Variants in SHISA6 observed in about 807,000 individuals in gnomAD.
The protein encoded by SHISA6 is shisa family member 6.
A neutral mutation model predicts 47.9 loss-of-function variants in SHISA6; 22 were observed. The observed-to-expected ratio is 0.46, with a 90% CI of 0.33 to 0.66. The LOEUF (loss-of-function observed/expected upper bound fraction) is 0.66. Ranked by LOEUF, SHISA6 falls within the 30% of genes least tolerant of loss-of-function variation. The pLI is 0.02. For synonymous variants in SHISA6, 388 were observed against 337.8 expected, an observed-to-expected ratio of 1.15 and a Z score of -1.63; for missense variants, 680 against 764.6, an observed-to-expected ratio of 0.89 and a Z score of 1.30.
intron 3 of SHISA6, among the ~76,000 whole-genome samples, chr17:11,388,853 T>TA (rs536099984): frequency 0.03 from 2,452 of 82,332 alleles, 170 homozygotes; most frequent in African/African-American, 0.1. Flanking sequence ...TTAAAAAAGG[T>TA]AAAAAAAAAA....
Position 11,541,820 on chromosome 17 carries a change from C to T in SHISA6, c.896-10076C>T, listed in dbSNP as rs150529779. Among the ~76,000 whole-genome samples, 385 of 152,302 alleles carry T rather than the reference C, an allele frequency of 2.5e-3. 2 individuals are homozygous for T. The highest frequency in any genetic ancestry group is 8.7e-3 in the African/African-American group (362 of 41,574). On this transcript the variant is annotated intron_variant, in intron 3 of 5. Transcript: ENST00000441885. ...TCCCTCTAACATCTCTTTGGCTGAG[C>T]ACTGAGGTCTCCAGGGTACTAGGAA...
In SHISA6 at chr17:11,514,594, T is replaced by C. The variant is rs75061679; in HGVS notation, c.896-37302T>C. 4.9e-3 allele frequency among the ~76,000 whole-genome samples: 744 copies of C among 152,352 alleles called. 9 individuals carry two copies. The highest frequency in any genetic ancestry group is 0.017 in the African/African-American group (717 of 41,586). On this transcript the variant is annotated intron_variant, in intron 3 of 5. Coordinates refer to ENST00000441885, the MANE Select transcript of SHISA6 (RefSeq NM_207386.4). The stretch of plus-strand genomic sequence containing the variant: ...TGGTTCCATATGACCTCAGCCTTCC[T>C]CACATGGGCAGCATCCCCCTGTGAA...
intron 3 of SHISA6, among the ~76,000 whole-genome samples, chr17:11,417,970 G>T (rs1914333528): frequency 6.6e-6 from 1 of 152,310 alleles, no homozygotes; most frequent in Admixed American, 6.5e-5. Flanking sequence ...CAAGGTACTT[G>T]GTCAGTTAGA....
intron 3 of SHISA6, among the ~76,000 whole-genome samples, chr17:11,403,459 A>G (rs1458223100): frequency 6.6e-6 from 1 of 152,194 alleles, no homozygotes; most frequent in Admixed American, 6.5e-5. Context: ...CTAGGGGAAC[A>G]CAACAAAATT....
intron 3 of SHISA6, among the ~76,000 whole-genome samples, chr17:11,403,653 C>T (rs1377146108): frequency 6.6e-6 from 1 of 152,166 alleles, no homozygotes; most frequent in Non-Finnish European, 1.5e-5. Context: ...CCAGCCTCTT[C>T]TTTGTTTTGA....
intron 3 of SHISA6, among the ~76,000 whole-genome samples, chr17:11,512,956 C>A (rs186290683): frequency 7.0e-4 from 107 of 152,084 alleles, no homozygotes; most frequent in African/African-American, 2.5e-3. Context: ...AGTGAATTTT[C>A]TCAATTATTT....
chr17:11,402,824 C>T (rs188920802), intron 3 of SHISA6, among the ~76,000 whole-genome samples: 3 of 152,276 alleles, frequency 2.0e-5, no homozygotes, highest in South Asian at 2.1e-4. Context: ...CAGGCCTCAG[C>T]GAGGGAACCA....
At chr17:11,461,825 A>C (rs1395334713) in intron 3 of SHISA6, among the ~76,000 whole-genome samples, 1 of 152,164 alleles carries the variant, frequency 6.6e-6, no homozygotes, top group Non-Finnish European at 1.5e-5. Context: ...TGCTTACGAA[A>C]AGCATGCTCT....
At chr17:11,373,406 CA>C (rs1753835035) in intron 2 of SHISA6, among the ~76,000 whole-genome samples, 1 of 127,462 alleles carries the variant, frequency 7.8e-6, no homozygotes, top group South Asian at 2.5e-4. Flanking sequence ...ACAAATAAAA[CA>C]AAAAATTGTT....
At position 11,412,015 on chromosome 17, in the gene SHISA6, A is replaced by G. The variant is rs547299960; in HGVS notation, c.895+32506A>G. The stretch of plus-strand genomic sequence containing the variant: ...CCCCCAAGGATATTTGGGGAAGATA[A>G]GAAAAAGGTTGTCTCTGAAAAAAAT... On this transcript the variant is annotated intron_variant, in intron 3 of 5. Coordinates refer to ENST00000441885, the MANE Select transcript of SHISA6 (RefSeq NM_207386.4). Among the ~76,000 whole-genome samples the G allele has an allele frequency of 2.0e-5, 3 of 152,320 alleles. No individual in the cohort carries two copies. The South Asian group carries it at 6.2e-4, about 32-fold the overall frequency.
intron 3 of SHISA6, among the ~76,000 whole-genome samples, chr17:11,479,401 G>T (rs867634096): frequency 2.6e-5 from 4 of 152,078 alleles, no homozygotes; most frequent in African/African-American, 9.7e-5. Flanking sequence ...ATAAGTGGGA[G>T]TTGAACAATG....
chr17:11,546,850 G>A (rs779120072), intron 3 of SHISA6, among the ~76,000 whole-genome samples: 29 of 152,004 alleles, frequency 1.9e-4, no homozygotes, highest in Admixed American at 1.1e-3. Flanking sequence ...GAACCCAGGA[G>A]GCAGAGGTTG....
At chr17:11,533,750 G>A (rs970502430) in intron 3 of SHISA6, among the ~76,000 whole-genome samples, 2 of 151,742 alleles carry the variant, frequency 1.3e-5, no homozygotes, top group Non-Finnish European at 2.9e-5. Context: ...CTGCCACCAT[G>A]CCTGGCTAAT....
chr17:11,312,932 A>AG (rs1910386154), intron 2 of SHISA6, among the ~76,000 whole-genome samples: 1 of 152,184 alleles, frequency 6.6e-6, no homozygotes, highest in Non-Finnish European at 1.5e-5. Flanking sequence ...AAAGGCGTTG[A>AG]TGTGCTTATA....
chr17:11,421,003 A>T (rs1914439448), intron 3 of SHISA6, among the ~76,000 whole-genome samples: 2 of 152,276 alleles, frequency 1.3e-5, no homozygotes, highest in South Asian at 4.1e-4. Flanking sequence ...TATTCAGGAG[A>T]CACAGATTAT....
chr17:11,278,969 CG>C, intron 2 of SHISA6, among the ~76,000 whole-genome samples: 1 of 152,088 alleles, frequency 6.6e-6, no homozygotes, highest in Non-Finnish European at 1.5e-5. Context: ...GGGTGCACTT[CG>C]GGGCCATTTA....
At chr17:11,313,084 G>A (rs1418850993) in intron 2 of SHISA6, among the ~76,000 whole-genome samples, 2 of 152,128 alleles carry the variant, frequency 1.3e-5, no homozygotes, top group African/African-American at 4.8e-5. Context: ...CTACAGACTT[G>A]TGTAAGCCAG....
chr17:11,501,897 G>T (rs1435770319), intron 3 of SHISA6, among the ~76,000 whole-genome samples: 1 of 152,178 alleles, frequency 6.6e-6, no homozygotes, highest in Non-Finnish European at 1.5e-5. Flanking sequence ...GATGGACAGA[G>T]ATGGTGGAGG....
intron 3 of SHISA6, among the ~76,000 whole-genome samples, chr17:11,549,295 T>TA (rs1367333705): frequency 6.6e-6 from 1 of 152,214 alleles, no homozygotes; most frequent in African/African-American, 2.4e-5. Context: ...GTACTTAACT[T>TA]AAAAATGTTC....
Sources: allele counts gnomAD v4.1 joint callset (sites outside exome capture counted in the v4.1 genomes callset), GRCh38; gene constraint gnomAD v4.1.1; transcripts MANE v1.5; gene names NCBI Gene and HGNC (gene_info 2026-07-23, HGNC 2026-07-21).